The following EVC variants were observed in gnomAD, a reference collection of about 807,000 sequenced individuals.
EVC encodes evC complex member EVC.
A neutral mutation model predicts 118.9 loss-of-function variants in EVC; 116 were observed. The observed-to-expected ratio is 0.98, with a 90% confidence interval of 0.84 to 1.14. The LOEUF is 1.14. Among genes scored for constraint, EVC ranks in the 50% most tolerant of loss-of-function variants. The pLI is 0.00. For synonymous variants in EVC, 619 were observed against 534.7 expected, an observed-to-expected ratio of 1.16 and a Z score of -2.18; for missense variants, 1,401 against 1,246.4, an observed-to-expected ratio of 1.12 and a Z score of -1.87.
intron 11 of EVC, chr4:5,758,366 C>T: frequency 1.9e-6 from 1 of 521,066 alleles, no homozygotes; most frequent in Non-Finnish European, 3.4e-6. Flanking sequence ...GGAAGGCGAT[C>T]TTTGTTCAGG....
chr4:5,828,438 C>T, the EVC span: 1 of 1,589,466 alleles, frequency 6.3e-7, no homozygotes, highest in Non-Finnish European at 8.6e-7. Context: ...CCAAGAGACG[C>T]TGTCGGCTCT....
At chr4:5,820,269 A>C in the EVC span, among the ~76,000 whole-genome samples, 13 of 152,250 alleles carry the variant, frequency 8.5e-5, no homozygotes, top group Non-Finnish European at 1.9e-4. Flanking sequence ...CACCACCATC[A>C]TCATCACCAC....
intron 13 of EVC, among the ~76,000 whole-genome samples, chr4:5,794,339 A>T (rs1186124407): frequency 3.6e-5 from 4 of 109,798 alleles, no homozygotes; most frequent in South Asian, 3.7e-4. Flanking sequence ...ATATATTTAT[A>T]TACTTATATA....
At position 5,783,824 on chromosome 4, in the gene EVC, G is replaced by A. The variant is rs562482960; in HGVS notation, c.1776+60G>A. The A allele has an allele frequency of 5.8e-5, 85 of 1,475,788 alleles. No homozygotes were observed. The African/African-American group carries it at 6.5e-4, about 11-fold the overall frequency. The allele number at this position is 1,475,788 out of a possible 1,614,324, so 91.4% of individuals were successfully genotyped here. On this transcript the variant is annotated intron_variant, in intron 12 of 20. Transcript: ENST00000264956. The stretch of plus-strand genomic sequence containing the variant: ...GCATTTTAGAAACACACGAAGAAGC[G>A]TGAGAGATCTCACGTCCTGAACACC...
At chr4:5,715,639 A>G (rs967042579) in intron 1 of EVC, among the ~76,000 whole-genome samples, 1 of 151,850 alleles carries the variant, frequency 6.6e-6, no homozygotes, top group Non-Finnish European at 1.5e-5. Flanking sequence ...GAGAACTTCT[A>G]TGTCTGAAAA....
In EVC at chr4:5,729,420, C is replaced by G. The variant is rs150366183; in HGVS notation, c.384+30C>G. 8.8e-5 allele frequency: 139 copies of G among 1,588,538 alleles called. No homozygotes were observed. In the African/African-American group the frequency reaches 1.4e-3, roughly 16 times the overall value. ...GAGTCCTGAGCTCCATCATAGAAAG[C>G]CAGTTACTTCCGTCATGTGCCAGAG... On this transcript the variant is annotated intron_variant, in intron 3 of 20. Transcript: ENST00000264956.
Position 5,742,724 on chromosome 4 carries a change from TC to T in EVC, c.801+911del, listed in dbSNP as rs368678659. The stretch of plus-strand genomic sequence containing the variant: ...ACTACCATCACCGCCATCATCATCT[TC>T]ATTACCACCATAATCATCATCACCA... On this transcript the variant is annotated intron_variant, in intron 6 of 20. Transcript: ENST00000264956. The surrounding 1 kb of genome is among the most constrained non-coding windows in gnomAD (Gnocchi z 5.2). Among the ~76,000 whole-genome samples, 42 of 152,290 alleles carry T rather than the reference TC, an allele frequency of 2.8e-4. No homozygotes were observed. In the East Asian group the frequency reaches 3.7e-3, roughly 13 times the overall value.
At chr4:5,718,816 T>C (rs1039553530) in intron 1 of EVC, among the ~76,000 whole-genome samples, 1 of 152,248 alleles carries the variant, frequency 6.6e-6, no homozygotes, top group Non-Finnish European at 1.5e-5. Context: ...ACCTAACATA[T>C]TGTCTTAAAA....
chr4:5,726,848 T>C (rs1037302103), intron 2 of EVC, among the ~76,000 whole-genome samples: 11 of 151,280 alleles, frequency 7.3e-5, no homozygotes, highest in Admixed American at 6.6e-5. Context: ...TGCGATAGTT[T>C]ACTGAGAATG....
chr4:5,733,469 T>C (rs921048524), intron 5 of EVC, 34 bp downstream of exon 5: 17 of 1,561,942 alleles, frequency 1.1e-5, no homozygotes, highest in Middle Eastern at 1.7e-4. Flanking sequence ...CTCCTTTTCA[T>C]GGGGACAGGA....
rs369832780 is a variant in EVC, at chr4:5,741,795, T to G, written c.782T>G (p.Ile261Ser). Residue 261 changes from isoleucine (I) to serine (S), a missense_variant, in exon 6 of 21, where the codon ATC becomes AGC. Coordinates refer to ENST00000264956, the MANE Select transcript of EVC (RefSeq NM_153717.3). ...KKSDDELYQK[I>S]LSKQEKDLEE... ...TCAGATGATGAACTATACCAGAAGA[T>G]CCTTTCAAAACAAGAAAAAGTAAGT... The G allele has an allele frequency of 6.6e-7, 1 of 1,515,186 alleles. No individual in the cohort carries two copies. The highest frequency in any genetic ancestry group is 1.1e-5 in the South Asian group (1 of 88,552). The allele number at this position is 1,515,186 out of a possible 1,614,324, so 93.9% of individuals were successfully genotyped here.
Position 5,767,622 on chromosome 4 carries a change from G to T in EVC, c.1563+11260G>T, listed in dbSNP as rs199566952. ...TCCTGGTGAGCCGTTTTTTAAGCCCGTCGGAAAAGCACAGTATGCGGGTGG... is the reference window on the plus strand; with the variant it reads ...TCCTGGTGAGCCGTTTTTTAAGCCCTTCGGAAAAGCACAGTATGCGGGTGG... On this transcript the variant is annotated intron_variant, in intron 11 of 20. Coordinates refer to ENST00000264956, the MANE Select transcript of EVC (RefSeq NM_153717.3). 2.7e-5 allele frequency among the ~76,000 whole-genome samples: 4 copies of T among 150,872 alleles called. 1 individual carries two copies. Among genetic ancestry groups the T allele is most frequent in the Non-Finnish European group, 5.9e-5 (4 of 67,688 alleles).
At chr4:5,804,537 G>A (rs182717936) in intron 16 of EVC, among the ~76,000 whole-genome samples, 193 bp from the exon 17 acceptor site, 13 of 152,210 alleles carry the variant, frequency 8.5e-5, no homozygotes, top group Admixed American at 4.6e-4. Flanking sequence ...TCATAGTTTC[G>A]CTCTGCAGTG....
intron 1 of EVC, among the ~76,000 whole-genome samples, chr4:5,715,531 G>A (rs1723792359): frequency 6.6e-6 from 1 of 152,124 alleles, no homozygotes; most frequent in African/African-American, 2.4e-5. Context: ...CCTGTTTCAG[G>A]GATTCCCTGG....
In EVC at chr4:5,749,907, G is replaced by A. The variant is rs1426166353; in HGVS notation, c.1098+1601G>A. 2.0e-5 allele frequency among the ~76,000 whole-genome samples: 3 copies of A among 152,146 alleles called. No individual in the cohort carries two copies. Among genetic ancestry groups the A allele is most frequent in the African/African-American group, 4.8e-5 (2 of 41,440 alleles). ...CTCCAGGTGTGATCCACAGACCACA[G>A]CATCGGCAACACTGGGAGCTGGTTA... On this transcript the variant is annotated intron_variant, in intron 8 of 20. Transcript: ENST00000264956. This position sits in a 1 kb window ranked among gnomAD's most constrained non-coding sequence, Gnocchi z 4.4.
chr4:5,725,775 G>A (rs567774105), intron 2 of EVC, among the ~76,000 whole-genome samples: 16 of 152,204 alleles, frequency 1.1e-4, no homozygotes, highest in African/African-American at 1.4e-4. Flanking sequence ...CATTTTTGTC[G>A]TGAAATCTTT....
intron 1 of EVC, among the ~76,000 whole-genome samples, chr4:5,712,929 C>T (rs1052069433): frequency 2.6e-5 from 4 of 152,192 alleles, no homozygotes; most frequent in South Asian, 2.1e-4. Context: ...TGCCATTATC[C>T]CCACTTTACA....
At chr4:5,720,290 G>A (rs141956373) in intron 2 of EVC, among the ~76,000 whole-genome samples, 12 of 152,192 alleles carry the variant, frequency 7.9e-5, no homozygotes, top group South Asian at 4.2e-4. Context: ...GAATGATCTC[G>A]TGCCCTTCTC....
Position 5,756,472 on chromosome 4 carries a change from C to A in EVC, c.1563+110C>A, listed in dbSNP as rs1382132661. The A allele has an allele frequency of 4.7e-6, 4 of 858,006 alleles. No homozygotes were observed. The highest frequency in any genetic ancestry group is 5.7e-6 in the Non-Finnish European group (3 of 524,958). 53.1% of individuals were successfully genotyped at this position (858,006 alleles called of 1,614,324 possible). The stretch of plus-strand genomic sequence containing the variant: ...CAGAGGTGGTTCAGGTCCAACCCCG[C>A]ACTCATTGGCCGGTGATCCACGCAG... On this transcript the variant is annotated intron_variant, in intron 11 of 20. Transcript: ENST00000264956. The surrounding 1 kb of genome is among the most constrained non-coding windows in gnomAD (Gnocchi z 4.2).
Sources: allele counts gnomAD v4.1 joint callset (sites outside exome capture counted in the v4.1 genomes callset), GRCh38; gene constraint gnomAD v4.1.1; non-coding constraint Gnocchi (gnomAD v3.1); transcripts MANE v1.5; gene names NCBI Gene and HGNC (gene_info 2026-07-23, HGNC 2026-07-21).